Variants in CACNA1E observed in about 807,000 individuals in gnomAD.
The protein encoded by CACNA1E is voltage-dependent R-type calcium channel subunit alpha-1E.
A neutral mutation model predicts 259.2 loss-of-function variants in CACNA1E; 40 were observed. The observed-to-expected ratio is 0.15, with a 90% CI of 0.12 to 0.20. The LOEUF is 0.20. Among genes scored for constraint, CACNA1E ranks in the 10% least tolerant of loss-of-function variants. CACNA1E has a pLI of 1.00. For synonymous variants in CACNA1E, 1,104 were observed against 1,138.5 expected, an observed-to-expected ratio of 0.97 and a Z score of 0.61; for missense variants, 1,874 against 3,040.1, an observed-to-expected ratio of 0.62 and a Z score of 9.02.
intron 2 of CACNA1E, among the ~76,000 whole-genome samples, chr1:181,465,434 G>A (rs1367812597): frequency 6.6e-6 from 1 of 151,996 alleles, no homozygotes; most frequent in Non-Finnish European, 1.5e-5. Context: ...CAGTCTCTAT[G>A]ATCTCTTTAT....
chr1:181,417,624 T>G (rs1261599836), intron 2 of CACNA1E, among the ~76,000 whole-genome samples: 1 of 152,202 alleles, frequency 6.6e-6, no homozygotes, highest in Non-Finnish European at 1.5e-5. Context: ...CAGTTGGCCC[T>G]TAGTCCTGCC....
chr1:181,640,498 GGAAACCAGT>G (rs1391281907), intron 6 of CACNA1E, among the ~76,000 whole-genome samples: 1 of 152,170 alleles, frequency 6.6e-6, no homozygotes, highest in African/African-American at 2.4e-5. Context: ...GGCTTCTTCA[GGAAACCAGT>G]GGGGCTAACC....
intron 3 of CACNA1E, among the ~76,000 whole-genome samples, chr1:181,561,445 CTAGT>C (rs1572214693): frequency 6.6e-6 from 1 of 152,240 alleles, no homozygotes; most frequent in East Asian, 1.9e-4. Flanking sequence ...CAGCCTCTTT[CTAGT>C]TAATCTTTTC....
intron 1 of CACNA1E, among the ~76,000 whole-genome samples, chr1:181,391,104 G>A (rs1391597166): frequency 2.0e-5 from 3 of 152,040 alleles, no homozygotes; most frequent in South Asian, 2.1e-4. Flanking sequence ...AGAGCTCAAC[G>A]CTCTCAATTT....
chr1:181,589,867 TTTACCCAC>T (rs1652455471), intron 6 of CACNA1E, among the ~76,000 whole-genome samples: 1 of 152,208 alleles, frequency 6.6e-6, no homozygotes, highest in Admixed American at 6.5e-5. Context: ...AAAGGCATCA[TTTACCCAC>T]TGGGTGCTTA....
chr1:181,510,642 C>A, intron 2 of CACNA1E, 60 bp downstream of exon 2: 1 of 1,067,406 alleles, frequency 9.4e-7, no homozygotes, highest in South Asian at 1.3e-5. Flanking sequence ...TTCTTCTCCT[C>A]TGCTTTATCA....
chr1:181,555,398 C>T (rs1289681190), intron 3 of CACNA1E, among the ~76,000 whole-genome samples: 1 of 152,222 alleles, frequency 6.6e-6, no homozygotes, highest in Non-Finnish European at 1.5e-5. Context: ...GAAATCATTA[C>T]AGGAACAAGA....
chr1:181,559,490 T>C (rs374557908), intron 3 of CACNA1E, among the ~76,000 whole-genome samples: 2 of 152,036 alleles, frequency 1.3e-5, no homozygotes, highest in African/African-American at 2.4e-5. Flanking sequence ...TATGAAACTT[T>C]AGGAAATGTG....
intron 35 of CACNA1E, among the ~76,000 whole-genome samples, chr1:181,770,938 A>T (rs1476887920): frequency 6.6e-6 from 1 of 152,188 alleles, no homozygotes; most frequent in Non-Finnish European, 1.5e-5. Context: ...GCTGTGAGAT[A>T]ATGTCTTTGA....
intron 1 of CACNA1E, among the ~76,000 whole-genome samples, chr1:181,388,906 G>A (rs932558881): frequency 2.0e-5 from 3 of 151,356 alleles, no homozygotes; most frequent in African/African-American, 7.3e-5. Flanking sequence ...AAAAAAAAAC[G>A]TGTTATGATC....
rs1661650775 is a variant in CACNA1E, at chr1:181,794,851, C to T, written c.6028-13C>T. On this transcript the variant is annotated splice_polypyrimidine_tract_variant and intron_variant, in intron 45 of 47. Coordinates refer to ENST00000367573, the MANE Select transcript of CACNA1E (RefSeq NM_001205293.3). ...TCCATACCTTGTGTTTCTCTGGGGGCTTGTATTTCCAGGTGGTGACAGACC... is the reference window on the plus strand; with the variant it reads ...TCCATACCTTGTGTTTCTCTGGGGGTTTGTATTTCCAGGTGGTGACAGACC... The T allele has an allele frequency of 1.2e-6, 2 of 1,601,828 alleles. No individual in the cohort carries two copies. The highest frequency in any genetic ancestry group is 1.7e-5 in the Admixed American group (1 of 58,766).
chr1:181,499,880 T>A (rs1335897987), intron 1 of CACNA1E, among the ~76,000 whole-genome samples: 2 of 152,248 alleles, frequency 1.3e-5, no homozygotes, highest in Non-Finnish European at 1.5e-5. Context: ...GTACTTTGAT[T>A]ACGTCTTGGC....
intron 3 of CACNA1E, among the ~76,000 whole-genome samples, chr1:181,553,364 CTT>C (rs1378321476): frequency 6.6e-6 from 1 of 152,150 alleles, no homozygotes; most frequent in African/African-American, 2.4e-5. Context: ...TATTCTGAGA[CTT>C]TACTGAAGTT....
intron 2 of CACNA1E, among the ~76,000 whole-genome samples, chr1:181,470,535 T>C (rs1484914728): frequency 6.6e-6 from 1 of 152,118 alleles, no homozygotes; most frequent in African/African-American, 2.4e-5. Context: ...ATTTATTTTC[T>C]AATAGGTTCC....
chr1:181,539,157 G>A (rs1250034829), intron 3 of CACNA1E, among the ~76,000 whole-genome samples: 1 of 152,142 alleles, frequency 6.6e-6, no homozygotes, highest in African/African-American at 2.4e-5. Context: ...ACTATTCCCT[G>A]ACTGTGCTTC....
At chr1:181,374,306 A>T (rs1455874128) in intron 1 of CACNA1E, among the ~76,000 whole-genome samples, 1 of 151,560 alleles carries the variant, frequency 6.6e-6, no homozygotes, top group Non-Finnish European at 1.5e-5. Context: ...ATGTAATTGT[A>T]TGGTTTTGAG....
chr1:181,623,504 A>G (rs1655914254), intron 6 of CACNA1E, among the ~76,000 whole-genome samples: 1 of 152,264 alleles, frequency 6.6e-6, no homozygotes, highest in African/African-American at 2.4e-5. Context: ...TAGATTTCGT[A>G]GATTACAAAT....
chr1:181,750,870 G>A (rs754461008), intron 26 of CACNA1E, among the ~76,000 whole-genome samples: 61 of 152,098 alleles, frequency 4.0e-4, no homozygotes, highest in Non-Finnish European at 7.9e-4. Flanking sequence ...CATTAAGAGA[G>A]TCTTAAAATA....
In CACNA1E at chr1:181,732,332, C is replaced by G; in HGVS notation, c.2298-52C>G. On this transcript the variant is annotated intron_variant, in intron 19 of 47. Coordinates refer to ENST00000367573, the MANE Select transcript of CACNA1E (RefSeq NM_001205293.3). This position sits in a 1 kb window ranked among gnomAD's most constrained non-coding sequence, Gnocchi z 5.5. ...CACATGGCCCCTGTGGCCACCCTCC[C>G]TGCCTGCAGCTTCTGGGCTCTGACC... The G allele has an allele frequency of 6.8e-6, 10 of 1,463,072 alleles. No individual in the cohort carries two copies. The highest frequency in any genetic ancestry group is 9.0e-6 in the Non-Finnish European group (10 of 1,107,794). The allele number at this position is 1,463,072 out of a possible 1,614,324, so 90.6% of individuals were successfully genotyped here.
Sources: allele counts gnomAD v4.1 joint callset (sites outside exome capture counted in the v4.1 genomes callset), GRCh38; gene constraint gnomAD v4.1.1; non-coding constraint Gnocchi (gnomAD v3.1); transcripts MANE v1.5; gene names NCBI Gene and HGNC (gene_info 2026-07-23, HGNC 2026-07-21).